The following ATL3 variants were observed in gnomAD, a reference collection of about 807,000 sequenced individuals.
The protein encoded by ATL3 is atlastin-3.
In ATL3, 49 loss-of-function variants were observed where a neutral mutation model predicts 69.5. The ratio of observed to expected loss-of-function variants is 0.71; its 90% CI spans 0.56 to 0.89. The LOEUF (loss-of-function observed/expected upper bound fraction) is 0.89. ATL3 is among the 40% of genes least tolerant of loss of function. The pLI, the probability that ATL3 is intolerant of heterozygous loss-of-function variation, is 0.00. For missense variants in ATL3, 606 were observed against 645.7 expected, an observed-to-expected ratio of 0.94 and a Z score of 0.67; for synonymous variants, 214 against 224.1, an observed-to-expected ratio of 0.95 and a Z score of 0.40.
In ATL3 at chr11:63,626,243, G is replaced by C. The variant is rs966931160; in HGVS notation, c.*3076C>G. On this transcript the variant is annotated 3_prime_UTR_variant, in exon 13 of 13. Coordinates refer to ENST00000398868, the MANE Select transcript of ATL3 (RefSeq NM_015459.5). Reference sequence around the variant, plus strand: ...AAAAAAACAAAAATTAGCCAGGCGTGGTGGTGTACACCTGTAGTCCCAGCT... The same window carrying C: ...AAAAAAACAAAAATTAGCCAGGCGTCGTGGTGTACACCTGTAGTCCCAGCT... The C allele has an allele frequency of 1.3e-5, 2 of 152,226 alleles. No homozygotes were observed. Among genetic ancestry groups the C allele is most frequent in the Non-Finnish European group, 2.9e-5 (2 of 68,146 alleles). 9.4% of individuals were successfully genotyped at this position (152,226 alleles called of 1,614,324 possible).
intron 5 of ATL3, 27 bp from the exon 6 acceptor site, chr11:63,646,590 T>C (rs200437149): frequency 6.0e-5 from 92 of 1,523,090 alleles, no homozygotes; most frequent in Non-Finnish European, 8.0e-5. Context: ...TTATGGTTTG[T>C]AAAGCAAAAT....
chr11:63,668,022 C>T (rs1002432520), intron 1 of ATL3, among the ~76,000 whole-genome samples: 13 of 152,272 alleles, frequency 8.5e-5, no homozygotes, highest in African/African-American at 3.1e-4. Context: ...TTAAGAACCA[C>T]TGAGTAGAGT....
chr11:63,646,007 G>C (rs1472288236), intron 6 of ATL3, among the ~76,000 whole-genome samples: 1 of 151,936 alleles, frequency 6.6e-6, no homozygotes, highest in Non-Finnish European at 1.5e-5. Context: ...CAGGTGATCT[G>C]CCTGCTTTGG....
chr11:63,643,234 T>C, intron 8 of ATL3, 123 bp downstream of exon 8: 1 of 1,098,632 alleles, frequency 9.1e-7, no homozygotes, highest in Non-Finnish European at 1.3e-6. Context: ...AACTAGACTT[T>C]AAATACTACT....
chr11:63,671,577 G>A, upstream of ATL3: 5 of 1,422,068 alleles, frequency 3.5e-6, no homozygotes, highest in South Asian at 7.1e-5. Flanking sequence ...GCGGGAAAGC[G>A]CACGCGGCAG....
chr11:63,635,501 G>A lies in ATL3; in HGVS notation c.1035+33C>T, dbSNP rs1378791968. The A allele has an allele frequency of 1.9e-6, 3 of 1,575,378 alleles. No homozygotes were observed. The African/African-American group carries it at 4.1e-5, about 21-fold the overall frequency. On this transcript the variant is annotated intron_variant, in intron 10 of 12. Coordinates refer to ENST00000398868, the MANE Select transcript of ATL3 (RefSeq NM_015459.5). ...ATACAGGTCAACTCAAGTAATTTAAGGGTAGCGTTTAGGATGTCAAATCAT... is the reference window on the plus strand; with the variant it reads ...ATACAGGTCAACTCAAGTAATTTAAAGGTAGCGTTTAGGATGTCAAATCAT...
At position 63,629,464 on chromosome 11, in the gene ATL3, A is replaced by C; in HGVS notation, c.1540-59T>G. 3 of 1,471,008 alleles carry C rather than the reference A, an allele frequency of 2.0e-6. No homozygotes were observed. In the South Asian group the frequency reaches 3.4e-5, roughly 17 times the overall value. The allele number at this position is 1,471,008 out of a possible 1,614,324, so 91.1% of individuals were successfully genotyped here. On this transcript the variant is annotated intron_variant, in intron 12 of 12. Coordinates refer to ENST00000398868, the MANE Select transcript of ATL3 (RefSeq NM_015459.5). ...ATAAAATACAACACAGCAACAAGAA[A>C]GTAAGTCCTTAAACTTTCAAAAACC... is the stretch of plus-strand genomic sequence containing the variant.
At position 63,631,463 on chromosome 11, in the gene ATL3, C is replaced by A. The variant is rs749518078; in HGVS notation, c.1116G>T (p.Gly372=). The stretch of plus-strand genomic sequence containing the variant: ...CTGGAGACAAATAAGGTTTCTCTCC[C>A]CCACAAACCTAAAAAGAACAAAGAA... The part of the protein sequence containing the change: ...IYYNNMEEVC[G]GEKPYLSPDI... The change falls in exon 12 of 13, where the codon GGG becomes GGT. Residue 372 remains glycine, a synonymous_variant. Coordinates refer to ENST00000398868, the MANE Select transcript of ATL3 (RefSeq NM_015459.5). The A allele has an allele frequency of 2.5e-5, 40 of 1,594,806 alleles. No individual in the cohort carries two copies. Among genetic ancestry groups the A allele is most frequent in the Non-Finnish European group, 6.0e-6 (7 of 1,172,096 alleles).
chr11:63,629,779 C>G (rs929770450), intron 12 of ATL3, among the ~76,000 whole-genome samples: 3 of 152,286 alleles, frequency 2.0e-5, no homozygotes, highest in African/African-American at 7.2e-5. Context: ...ACACCGGCTG[C>G]TTGGGAGGCT....
chr11:63,638,332 A>G (rs2134477355), intron 8 of ATL3, among the ~76,000 whole-genome samples: 1 of 152,344 alleles, frequency 6.6e-6, no homozygotes, highest in African/African-American at 2.4e-5. Flanking sequence ...TCTCCCTGTG[A>G]CAGTAAGTAG....
chr11:63,654,372 C>T (rs1476202587), intron 3 of ATL3, among the ~76,000 whole-genome samples: 2 of 151,894 alleles, frequency 1.3e-5, no homozygotes, highest in East Asian at 3.9e-4. Context: ...GTCTCGATCT[C>T]CTGACCTCAT....
chr11:63,632,640 G>T (rs541801549), intron 11 of ATL3: 1 of 994,934 alleles, frequency 1.0e-6, no homozygotes, highest in Non-Finnish European at 1.6e-6. Context: ...ATAAGAGGAC[G>T]AATCTTCTTT....
intron 1 of ATL3, among the ~76,000 whole-genome samples, chr11:63,664,365 C>T (rs1015098148): frequency 6.6e-6 from 1 of 151,874 alleles, no homozygotes; most frequent in Non-Finnish European, 1.5e-5. Flanking sequence ...ATGGTGAAAC[C>T]CCATCTCTAC....
chr11:63,643,633 C>A, intron 7 of ATL3, 138 bp from the exon 8 acceptor site: 1 of 710,914 alleles, frequency 1.4e-6, no homozygotes, highest in East Asian at 2.8e-5. Context: ...ACTCAGAACC[C>A]TAAGAAGCAA....
chr11:63,671,478 G>A, upstream of ATL3: 1 of 1,468,406 alleles, frequency 6.8e-7, no homozygotes, highest in Non-Finnish European at 9.0e-7. Context: ...GGCACGCGGA[G>A]CCGCGACGGA....
chr11:63,631,982 TA>T (rs1160398867), intron 11 of ATL3, among the ~76,000 whole-genome samples: 2 of 152,014 alleles, frequency 1.3e-5, no homozygotes, highest in Non-Finnish European at 2.9e-5. Context: ...ACTCCGTCTC[TA>T]AAAAACAAAA....
chr11:63,634,799 C>T (rs899553937), intron 10 of ATL3, among the ~76,000 whole-genome samples: 17 of 152,100 alleles, frequency 1.1e-4, no homozygotes, highest in Admixed American at 7.2e-4. Flanking sequence ...GCAGGCACAT[C>T]GCTTGAGCCA....
intron 10 of ATL3, 100 bp from the exon 11 acceptor site, chr11:63,633,197 TTTA>T: frequency 3.3e-6 from 3 of 905,828 alleles, no homozygotes; most frequent in Non-Finnish European, 5.2e-6. Flanking sequence ...TTCTTCCTTT[TTTA>T]TTAACCTTCT....
chr11:63,669,974 A>T (rs796731960), intron 1 of ATL3, among the ~76,000 whole-genome samples: 26 of 151,982 alleles, frequency 1.7e-4, no homozygotes, highest in African/African-American at 6.0e-4. Flanking sequence ...CGCATGGTGG[A>T]GAGCGCCTGT....
Sources: gnomAD v4.1 joint callset for allele counts (sites outside exome capture counted in the v4.1 genomes callset) on GRCh38, gnomAD v4.1.1 for gene constraint, MANE v1.5 for transcripts, NCBI Gene and HGNC (gene_info 2026-07-23, HGNC 2026-07-21) for gene names.